BAZ2B: variants seen among roughly 807,000 people sequenced by gnomAD.
The protein encoded by BAZ2B is bromodomain adjacent to zinc finger domain protein 2B.
Under a neutral mutation model 246.0 loss-of-function variants are expected in BAZ2B, and 91 were observed. The ratio of observed to expected loss-of-function variants is 0.37; its 90% CI spans 0.31 to 0.44. The LOEUF (loss-of-function observed/expected upper bound fraction) is 0.44. BAZ2B is among the 20% of genes least tolerant of loss of function. The pLI, the probability that BAZ2B is intolerant of heterozygous loss-of-function variation, is 1.00. For missense variants in BAZ2B, 2,332 were observed against 2,533.7 expected (o/e 0.92, Z 1.71); for synonymous variants, 855 against 860.0 (o/e 0.99, Z 0.10).
At chr2:159,422,297 T>G (rs989327272) in intron 13 of BAZ2B, among the ~76,000 whole-genome samples, 1 of 151,980 alleles carries the variant, frequency 6.6e-6, no homozygotes, top group Admixed American at 6.6e-5. Context: ...CAATCTAAGC[T>G]AAAAGAACAA....
intron 31 of BAZ2B, among the ~76,000 whole-genome samples, chr2:159,345,424 C>T (rs2067618166): frequency 6.6e-6 from 1 of 152,100 alleles, no homozygotes; most frequent in Admixed American, 6.6e-5. Flanking sequence ...TGTACCAAAA[C>T]ATCACCATGT....
At chr2:159,576,587 TACC>T (rs1578543982) in intron 1 of BAZ2B, among the ~76,000 whole-genome samples, 2 of 150,108 alleles carry the variant, frequency 1.3e-5, no homozygotes, top group Admixed American at 1.3e-4. Flanking sequence ...TGTAAATTGA[TACC>T]ACCACTCTGA....
chr2:159,560,970 T>G (rs1341519518), intron 1 of BAZ2B, among the ~76,000 whole-genome samples: 1 of 152,130 alleles, frequency 6.6e-6, no homozygotes, highest in Non-Finnish European at 1.5e-5. Context: ...AATAGAAAAC[T>G]ATATACTGGG....
At chr2:159,391,085 A>G (rs898844997) in intron 20 of BAZ2B, among the ~76,000 whole-genome samples, 2 of 152,176 alleles carry the variant, frequency 1.3e-5, no homozygotes, top group African/African-American at 4.8e-5. Context: ...TCTTAAACCC[A>G]TGAACTGTTG....
At chr2:159,512,125 A>G (rs750295194) in intron 2 of BAZ2B, among the ~76,000 whole-genome samples, 5 of 151,816 alleles carry the variant, frequency 3.3e-5, no homozygotes, top group Non-Finnish European at 7.4e-5. Flanking sequence ...ATTCAGACTC[A>G]TATCCTATTT....
the BAZ2B span, among the ~76,000 whole-genome samples, chr2:159,641,010 CAAAT>C: frequency 6.7e-6 from 1 of 149,652 alleles, no homozygotes; most frequent in Non-Finnish European, 1.5e-5. Flanking sequence ...AGAAAAAAAC[CAAAT>C]AAATAAAATC....
intron 27 of BAZ2B, among the ~76,000 whole-genome samples, chr2:159,355,049 A>G (rs1363056763): frequency 6.6e-6 from 1 of 152,232 alleles, no homozygotes; most frequent in Non-Finnish European, 1.5e-5. Context: ...TCTGGGGGTC[A>G]ATCATTCTTG....
intron 3 of BAZ2B, among the ~76,000 whole-genome samples, chr2:159,467,461 G>A (rs938832926): frequency 2.0e-5 from 3 of 152,106 alleles, no homozygotes; most frequent in Non-Finnish European, 4.4e-5. Context: ...GGGGGCCAGT[G>A]CAAGGGGAGG....
chr2:159,628,919 A>C, the BAZ2B span, among the ~76,000 whole-genome samples: 1 of 152,220 alleles, frequency 6.6e-6, no homozygotes, highest in African/African-American at 2.4e-5. Context: ...CAATCTATCC[A>C]TGTGACAAAG....
chr2:159,553,174 C>T (rs1032900528), intron 2 of BAZ2B, among the ~76,000 whole-genome samples: 1 of 151,712 alleles, frequency 6.6e-6, no homozygotes, highest in African/African-American at 2.4e-5. Context: ...GCGGGTAGAT[C>T]ACTTGAGGTC....
At chr2:159,487,605 T>A (rs926256981) in intron 2 of BAZ2B, among the ~76,000 whole-genome samples, 7 of 152,114 alleles carry the variant, frequency 4.6e-5, no homozygotes, top group African/African-American at 1.4e-4. Context: ...TAGTTCTGCA[T>A]CCTAAACATC....
At chr2:159,410,391 G>T (rs2066626752) in intron 14 of BAZ2B, among the ~76,000 whole-genome samples, 1 of 152,224 alleles carries the variant, frequency 6.6e-6, no homozygotes, top group African/African-American at 2.4e-5. Context: ...GACCTGGTGG[G>T]TGGGGATTGG....
intron 13 of BAZ2B, among the ~76,000 whole-genome samples, chr2:159,415,258 A>C (rs1375197945): frequency 6.6e-6 from 1 of 151,990 alleles, no homozygotes; most frequent in Non-Finnish European, 1.5e-5. Flanking sequence ...CAGCCTGGCC[A>C]ATACAGTGAA....
chr2:159,503,215 A>G (rs541844070), intron 2 of BAZ2B, among the ~76,000 whole-genome samples: 1 of 152,294 alleles, frequency 6.6e-6, no homozygotes, highest in African/African-American at 2.4e-5. Flanking sequence ...GTCTTCTGCT[A>G]GGCATAACAA....
chr2:159,346,864 C>T (rs180672109), intron 31 of BAZ2B, among the ~76,000 whole-genome samples: 41 of 152,078 alleles, frequency 2.7e-4, no homozygotes, highest in African/African-American at 9.2e-4. Context: ...CTGATCATTA[C>T]CTGTAACATG....
At chr2:159,517,657 T>C (rs747854149) in intron 2 of BAZ2B, among the ~76,000 whole-genome samples, 1 of 152,136 alleles carries the variant, frequency 6.6e-6, no homozygotes, top group Non-Finnish European at 1.5e-5. Flanking sequence ...TTATTCATTT[T>C]GCAAAATAAA....
chr2:159,349,290 G>T lies in BAZ2B; in HGVS notation c.4864-10C>A. The T allele has an allele frequency of 6.4e-7, 1 of 1,570,130 alleles. No homozygotes were observed. The highest frequency in any genetic ancestry group is 8.6e-7 in the Non-Finnish European group (1 of 1,157,514). On this transcript the variant is annotated splice_polypyrimidine_tract_variant and intron_variant, in intron 28 of 36. Coordinates refer to ENST00000392783, the MANE Select transcript of BAZ2B (RefSeq NM_013450.4). ...ATACTCCACCTTTCACCTGCAAAAA[G>T]AAAACATTTATTAATGAAAAGTAGA...
chr2:159,318,542 CT>C (rs1259092235), downstream of BAZ2B, among the ~76,000 whole-genome samples: 12 of 152,352 alleles, frequency 7.9e-5, no homozygotes, highest in Admixed American at 6.5e-4. Context: ...CAAGGCCTGT[CT>C]TGTACGCCAA....
intron 1 of BAZ2B, among the ~76,000 whole-genome samples, chr2:159,560,572 C>CTT (rs768908340): frequency 3.5e-5 from 5 of 143,094 alleles, no homozygotes; most frequent in Non-Finnish European, 4.6e-5. Context: ...TATAAAGCAA[C>CTT]TTTTTTTTTT....
Sources: allele counts gnomAD v4.1 joint callset (sites outside exome capture counted in the v4.1 genomes callset), GRCh38; gene constraint gnomAD v4.1.1; transcripts MANE v1.5; gene names NCBI Gene and HGNC (gene_info 2026-07-23, HGNC 2026-07-21).